Variants in PARL observed in about 807,000 individuals in gnomAD.
PARL encodes presenilin-associated rhomboid-like protein, mitochondrial.
In PARL, 44 loss-of-function variants were observed where a neutral mutation model predicts 51.6. The observed-to-expected ratio is 0.85, with a 90% confidence interval of 0.67 to 1.10. The LOEUF is 1.10. Among genes scored for constraint, PARL ranks in the 50% least tolerant of loss-of-function variants. The pLI is 0.00. For missense variants in PARL, 441 were observed against 469.5 expected, an observed-to-expected ratio of 0.94 and a Z score of 0.56; for synonymous variants, 172 against 164.0, an observed-to-expected ratio of 1.05 and a Z score of -0.37.
chr3:183,881,795 C>T (rs1264344343), intron 1 of PARL, among the ~76,000 whole-genome samples: 1 of 152,138 alleles, frequency 6.6e-6, no homozygotes, highest in African/African-American at 2.4e-5. Flanking sequence ...ATGGATTCTA[C>T]ATAAACTCTG....
intron 4 of PARL, among the ~76,000 whole-genome samples, chr3:183,862,111 A>G (rs1164577325): frequency 6.6e-6 from 1 of 152,234 alleles, no homozygotes; most frequent in African/African-American, 2.4e-5. Context: ...AACTGACTCC[A>G]TGAAATATTG....
rs1048195578 is a variant in PARL at position 183,829,722 on chromosome 3, A to C, written c.1029-13T>G. ...AGTAACATACCATCTGGAGAAAAAC[A>C]AACCAGGTCCGACATTCAAACAGTG... On this transcript the variant is annotated splice_polypyrimidine_tract_variant and intron_variant, in intron 9 of 9. Coordinates refer to ENST00000317096, the MANE Select transcript of PARL (RefSeq NM_018622.7). The C allele has an allele frequency of 2.5e-6, 4 of 1,605,666 alleles. No homozygotes were observed. In the African/African-American group the frequency reaches 4.0e-5, roughly 16 times the overall value.
intron 7 of PARL, among the ~76,000 whole-genome samples, chr3:183,839,862 A>T (rs1294344653): frequency 1.3e-5 from 2 of 152,148 alleles, no homozygotes; most frequent in Admixed American, 6.5e-5. Flanking sequence ...CCTCCTGAGT[A>T]GCTGAGACTA....
At chr3:183,852,030 C>T (rs1219191990) in intron 4 of PARL, among the ~76,000 whole-genome samples, 2 of 151,958 alleles carry the variant, frequency 1.3e-5, no homozygotes, top group East Asian at 1.9e-4. Flanking sequence ...TGTGGTGGCG[C>T]GTGCCTATGG....
At chr3:183,865,886 T>C (rs1042380499) in intron 3 of PARL, among the ~76,000 whole-genome samples, 1 of 151,528 alleles carries the variant, frequency 6.6e-6, no homozygotes, top group African/African-American at 2.4e-5. Context: ...TCTTTTCTTT[T>C]TTTTTTTTTT....
chr3:183,883,761 G>T lies in PARL; in HGVS notation c.125+961C>A, dbSNP rs1056029201. ...TAAAATTCACCTGGAATGCTTGTCGGACATATAGGTTCTTCCACTCCACCC... is the reference window on the plus strand; with the variant it reads ...TAAAATTCACCTGGAATGCTTGTCGTACATATAGGTTCTTCCACTCCACCC... On this transcript the variant is annotated intron_variant, in intron 1 of 9. Transcript: ENST00000317096. The T allele has an allele frequency of 1.2e-5, 11 of 908,806 alleles. No individual in the cohort carries two copies. The African/African-American group carries it at 2.0e-4, about 16-fold the overall frequency. 56.3% of individuals were successfully genotyped at this position (908,806 alleles called of 1,614,324 possible). A position where few individuals can be genotyped will look rare whatever the true frequency, so the allele number is the denominator to read the frequency against.
At chr3:183,859,250 C>G (rs1731526315) in intron 4 of PARL, among the ~76,000 whole-genome samples, 2 of 152,096 alleles carry the variant, frequency 1.3e-5, no homozygotes, top group Non-Finnish European at 2.9e-5. Flanking sequence ...TGCACTCCAG[C>G]CTGGGTGACA....
chr3:183,883,940 A>G (rs1188348161), intron 1 of PARL, among the ~76,000 whole-genome samples: 1 of 152,252 alleles, frequency 6.6e-6, no homozygotes, highest in African/African-American at 2.4e-5. Flanking sequence ...GTTGATAAAC[A>G]ATGTTTCTTA....
intron 1 of PARL, among the ~76,000 whole-genome samples, chr3:183,876,546 C>T (rs923439458): frequency 1.5e-5 from 2 of 135,730 alleles, no homozygotes; most frequent in Admixed American, 8.3e-5. Context: ...GGAATTTCAA[C>T]GTTTAAGTCT....
In PARL at chr3:183,833,475, A is replaced by G. The variant is rs548611098; in HGVS notation, c.1028+17T>C. ...ACCCAAGGAAGCAGTTTAGCAATCAATTACACTCAAACTTACATTCCAAAA... is the reference window on the plus strand; with the variant it reads ...ACCCAAGGAAGCAGTTTAGCAATCAGTTACACTCAAACTTACATTCCAAAA... On this transcript the variant is annotated intron_variant, in intron 9 of 9. Coordinates refer to ENST00000317096, the MANE Select transcript of PARL (RefSeq NM_018622.7). The G allele has an allele frequency of 4.6e-6, 7 of 1,516,914 alleles. No homozygotes were observed. In the East Asian group the frequency reaches 1.1e-4, roughly 24 times the overall value. The allele number at this position is 1,516,914 out of a possible 1,614,324, so 94.0% of individuals were successfully genotyped here. A position where few individuals can be genotyped will look rare whatever the true frequency, so the allele number is the denominator to read the frequency against.
At chr3:183,883,714 TAA>T in intron 1 of PARL, 1 of 984,164 alleles carries the variant, frequency 1.0e-6, no homozygotes, top group Non-Finnish European at 1.2e-6. Context: ...ACAATGTATG[TAA>T]AGTTTTCACA....
At chr3:183,852,687 T>C (rs1730687502) in intron 4 of PARL, among the ~76,000 whole-genome samples, 1 of 152,150 alleles carries the variant, frequency 6.6e-6, no homozygotes, top group African/African-American at 2.4e-5. Flanking sequence ...CCTACAACAC[T>C]GTGAATGTAC....
In PARL at chr3:183,840,615, G is replaced by A. The variant is rs951678442; in HGVS notation, c.783C>T (p.Tyr261=). Residue 261 remains tyrosine (Y), a synonymous_variant, in exon 7 of 10, where the codon TAC becomes TAT. Transcript: ENST00000317096. Reference sequence around the variant, plus strand: ...ATCTTCCTGTGGCAACTTTACCCACGTAACTGACAAAATTGGAAATAACAC... The same window carrying A: ...ATCTTCCTGTGGCAACTTTACCCACATAACTGACAAAATTGGAAATAACAC... ...SAGVISNFVS[Y]VGKVATGRYG... is the part of the protein sequence containing the mutation. The A allele has an allele frequency of 7.8e-6, 12 of 1,546,004 alleles. No homozygotes were observed. In the South Asian group the frequency reaches 1.0e-4, roughly 13 times the overall value.
intron 1 of PARL, among the ~76,000 whole-genome samples, chr3:183,882,225 ATATATATATATATATATATTTATAT>A (rs1734553465): frequency 1.3e-4 from 10 of 78,266 alleles, no homozygotes; most frequent in African/African-American, 5.6e-4. Flanking sequence ...AAAAAAAAAT[ATATATATATATATATATATTTATAT>A]ATATATATAT....
intron 7 of PARL, 72 bp from the exon 8 acceptor site, chr3:183,833,897 G>T: frequency 1.0e-6 from 1 of 953,514 alleles, no homozygotes; most frequent in Non-Finnish European, 1.7e-6. Flanking sequence ...GGTCTAAAGA[G>T]CAGCACATTT....
At chr3:183,827,992 G>A (rs1398400532), downstream of PARL, among the ~76,000 whole-genome samples, 1 of 152,248 alleles carries the variant, frequency 6.6e-6, no homozygotes, top group Non-Finnish European at 1.5e-5. Context: ...GGGCCAGGGA[G>A]TGCATGGCCT....
At chr3:183,860,777 A>G (rs1020030191) in intron 4 of PARL, among the ~76,000 whole-genome samples, 1 of 152,062 alleles carries the variant, frequency 6.6e-6, no homozygotes, top group Non-Finnish European at 1.5e-5. Context: ...TAGTGAAGGC[A>G]AAACCTTGCC....
intron 4 of PARL, among the ~76,000 whole-genome samples, chr3:183,848,488 G>A (rs71318345): frequency 0.039 from 5,972 of 152,228 alleles, 164 homozygotes; most frequent in Non-Finnish European, 0.061. Flanking sequence ...TGATCTGCCC[G>A]CGTCGGCCTC....
chr3:183,842,009 A>G (rs1480297079), intron 6 of PARL, among the ~76,000 whole-genome samples: 1 of 152,214 alleles, frequency 6.6e-6, no homozygotes, highest in Non-Finnish European at 1.5e-5. Flanking sequence ...TGAGATTACA[A>G]AAATGACATG....
Sources: gnomAD v4.1 joint callset for allele counts (sites outside exome capture counted in the v4.1 genomes callset) on GRCh38, gnomAD v4.1.1 for gene constraint, MANE v1.5 for transcripts, NCBI Gene and HGNC (gene_info 2026-07-23, HGNC 2026-07-21) for gene names.